The following DAB1 variants were observed in gnomAD, a reference collection of about 807,000 sequenced individuals.
The protein encoded by DAB1 is disabled homolog 1.
DAB1 carries 15 observed loss-of-function variants against 64.6 expected under a neutral mutation model. The observed-to-expected ratio is 0.23, with a 90% CI of 0.16 to 0.36. The LOEUF (loss-of-function observed/expected upper bound fraction) is 0.36, where lower values mean the gene tolerates loss of function less well. Among genes scored for constraint, DAB1 ranks in the 10% least tolerant of loss-of-function variants. DAB1 has a pLI of 1.00. For missense variants in DAB1, 596 were observed against 706.7 expected (o/e 0.84, Z 1.78); for synonymous variants, 235 against 251.9 (o/e 0.93, Z 0.64).
intron 7 of DAB1, among the ~76,000 whole-genome samples, chr1:57,468,256 G>T (rs1003549537): frequency 6.6e-6 from 1 of 152,146 alleles, no homozygotes; most frequent in African/African-American, 2.4e-5. Context: ...CATTGTAGGG[G>T]TGGGGAACAT....
intron 1 of DAB1, among the ~76,000 whole-genome samples, chr1:57,299,909 T>C (rs910621867): frequency 2.6e-5 from 4 of 152,212 alleles, no homozygotes; most frequent in Admixed American, 2.6e-4. Flanking sequence ...GAGACCAAAA[T>C]GCACAGAGCT....
At chr1:57,758,629 G>A (rs375398334) in intron 6 of DAB1, among the ~76,000 whole-genome samples, 4 of 152,108 alleles carry the variant, frequency 2.6e-5, no homozygotes, top group Non-Finnish European at 4.4e-5. Context: ...CATGTTCACC[G>A]GCTTCTATCA....
At chr1:57,906,937 CAGATAGATAGATAGATAGATAGAT>C (rs5774378) in intron 5 of DAB1, among the ~76,000 whole-genome samples, 3 of 146,748 alleles carry the variant, frequency 2.0e-5, no homozygotes, top group African/African-American at 7.6e-5. Context: ...ATATAATATG[CAGATAGATAGATAGATAGATAGAT>C]AGATAGATAG....
At chr1:58,060,170 C>G (rs17116775) in intron 5 of DAB1, 31,495 of 152,316 alleles carry the variant, frequency 0.21, 3,691 homozygotes, top group East Asian at 0.31. Flanking sequence ...AAAGATCAGG[C>G]GAGTCCAGGC....
chr1:57,636,503 A>G (rs1646059345), intron 7 of DAB1, among the ~76,000 whole-genome samples: 1 of 152,210 alleles, frequency 6.6e-6, no homozygotes, highest in Non-Finnish European at 1.5e-5. Flanking sequence ...AAGCTAAACA[A>G]TCAGTCAGGA....
intron 6 of DAB1, among the ~76,000 whole-genome samples, chr1:57,736,681 T>C (rs1431120197): frequency 1.3e-5 from 2 of 152,154 alleles, no homozygotes; most frequent in Non-Finnish European, 2.9e-5. Context: ...TGAAATAAGG[T>C]GGACTGGTAT....
At chr1:57,024,872 G>A (rs988503204) in intron 10 of DAB1, among the ~76,000 whole-genome samples, 1 of 152,220 alleles carries the variant, frequency 6.6e-6, no homozygotes, top group Non-Finnish European at 1.5e-5. Flanking sequence ...GAGCCATCCA[G>A]CTTCTTTGGG....
chr1:57,498,230 A>G (rs182886228), intron 7 of DAB1, among the ~76,000 whole-genome samples: 2 of 152,318 alleles, frequency 1.3e-5, no homozygotes, highest in African/African-American at 2.4e-5. Flanking sequence ...ATGCAGATAT[A>G]AAATAGCAAG....
intron 5 of DAB1, among the ~76,000 whole-genome samples, chr1:57,895,370 G>A (rs888799380): frequency 7.9e-5 from 12 of 152,194 alleles, no homozygotes; most frequent in African/African-American, 2.7e-4. Context: ...GCTAGTTAAT[G>A]TTGGAATTAA....
intron 5 of DAB1, among the ~76,000 whole-genome samples, chr1:57,934,118 G>C (rs1163935190): frequency 7.7e-6 from 1 of 129,226 alleles, no homozygotes; most frequent in Non-Finnish European, 1.7e-5. Context: ...GTAGAGACGA[G>C]GTTTCACCAT....
chr1:57,505,190 T>A (rs1570580004), intron 7 of DAB1, among the ~76,000 whole-genome samples: 1 of 152,216 alleles, frequency 6.6e-6, no homozygotes, highest in African/African-American at 2.4e-5. Context: ...TCTCTCTGTA[T>A]AATCTTTGCA....
chr1:57,422,128 G>C (rs1229027868), intron 1 of DAB1, among the ~76,000 whole-genome samples: 1 of 152,136 alleles, frequency 6.6e-6, no homozygotes, highest in Non-Finnish European at 1.5e-5. Flanking sequence ...ATAATTAGGC[G>C]GTTCTGAACG....
At chr1:57,284,724 T>C (rs575875551) in intron 2 of DAB1, among the ~76,000 whole-genome samples, 23 of 152,402 alleles carry the variant, frequency 1.5e-4, no homozygotes, top group Non-Finnish European at 2.6e-4. Flanking sequence ...AGATAATCAA[T>C]ATGATGGCAA....
intron 7 of DAB1, among the ~76,000 whole-genome samples, chr1:57,451,523 C>T (rs1686364321): frequency 6.6e-6 from 1 of 152,076 alleles, no homozygotes; most frequent in Non-Finnish European, 1.5e-5. Context: ...AAATCATTTT[C>T]CTTGTATCCG....
chr1:58,163,250 G>C (rs1655640407), intron 4 of DAB1, among the ~76,000 whole-genome samples: 2 of 152,196 alleles, frequency 1.3e-5, no homozygotes, highest in Admixed American at 1.3e-4. Flanking sequence ...TTGTAACTAA[G>C]TGCCAATAAC....
At chr1:58,481,338 T>A (rs545977490) in intron 3 of DAB1, among the ~76,000 whole-genome samples, 1 of 152,170 alleles carries the variant, frequency 6.6e-6, no homozygotes, top group East Asian at 1.9e-4. Context: ...CACTGAAAAA[T>A]CTACAGTGAA....
At chr1:58,014,977 C>G (rs1223101793) in intron 5 of DAB1, among the ~76,000 whole-genome samples, 1 of 152,188 alleles carries the variant, frequency 6.6e-6, no homozygotes, top group Admixed American at 6.5e-5. Flanking sequence ...CTAAGCTCAG[C>G]CCTCCCAAAC....
At chr1:57,192,385 C>T (rs184211170) in intron 2 of DAB1, among the ~76,000 whole-genome samples, 1 of 151,636 alleles carries the variant, frequency 6.6e-6, no homozygotes, top group African/African-American at 2.4e-5. Context: ...CTATACAAAT[C>T]CCAGCCCTTC....
chr1:57,049,154 C>G (rs1041175014), intron 9 of DAB1, among the ~76,000 whole-genome samples: 2 of 151,986 alleles, frequency 1.3e-5, no homozygotes, highest in Non-Finnish European at 2.9e-5. Flanking sequence ...AACCTGAAGA[C>G]AGCAGGTGGA....
Sources: allele counts gnomAD v4.1 joint callset (sites outside exome capture counted in the v4.1 genomes callset), GRCh38; gene constraint gnomAD v4.1.1; transcripts MANE v1.5; gene names NCBI Gene and HGNC (gene_info 2026-07-23, HGNC 2026-07-21).